FSTL4: variants seen among roughly 807,000 people sequenced by gnomAD.
The protein encoded by FSTL4 is follistatin like 4.
In FSTL4, 28 loss-of-function variants were observed where a neutral mutation model predicts 78.2. The observed-to-expected ratio is 0.36, with a 90% CI of 0.27 to 0.49. The LOEUF (loss-of-function observed/expected upper bound fraction) is 0.49, where lower values mean the gene tolerates loss of function less well. Ranked by LOEUF, FSTL4 falls within the 20% of genes least tolerant of loss-of-function variation. FSTL4 has a pLI of 0.98. For missense variants in FSTL4, 922 were observed against 1,084.9 expected (o/e 0.85, Z 2.11); for synonymous variants, 422 against 440.5 (o/e 0.96, Z 0.53).
chr5:133,617,157 G>T (rs1323658473), upstream of FSTL4, among the ~76,000 whole-genome samples: 3 of 151,994 alleles, frequency 2.0e-5, no homozygotes, highest in Admixed American at 2.0e-4. Flanking sequence ...AAATTAGCTG[G>T]GCATGGTGGC....
intron 3 of FSTL4, among the ~76,000 whole-genome samples, chr5:133,442,000 AG>A (rs1207524215): frequency 1.3e-5 from 2 of 152,236 alleles, no homozygotes; most frequent in African/African-American, 4.8e-5. Flanking sequence ...CTGGGCTGGT[AG>A]GGACAGCCCC....
the FSTL4 span, among the ~76,000 whole-genome samples, chr5:133,794,210 G>C: frequency 1.3e-5 from 2 of 152,244 alleles, no homozygotes; most frequent in African/African-American, 4.8e-5. Flanking sequence ...CCAAGAGAGA[G>C]GGCCAGGATA....
chr5:133,312,649 C>T lies in FSTL4; in HGVS notation c.727+5G>A. ...AAGCCCTTTTCCCACTGGGACCCAACTTACGGAAGGCCATGTAGAACTCGC... is the reference window on the plus strand; with the variant it reads ...AAGCCCTTTTCCCACTGGGACCCAATTTACGGAAGGCCATGTAGAACTCGC... On this transcript the variant is annotated splice_donor_5th_base_variant and intron_variant, in intron 6 of 15. Transcript: ENST00000265342. The T allele has an allele frequency of 6.2e-7, 1 of 1,613,962 alleles. No individual in the cohort carries two copies. The highest frequency in any genetic ancestry group is 8.5e-7 in the Non-Finnish European group (1 of 1,179,936).
the FSTL4 span, among the ~76,000 whole-genome samples, chr5:133,711,835 C>A: frequency 2.6e-5 from 4 of 152,164 alleles, no homozygotes; most frequent in Admixed American, 6.5e-5. Context: ...GGGTGAAGAA[C>A]CCTTGGGCTT....
At chr5:133,560,483 C>T (rs927269663) in intron 3 of FSTL4, among the ~76,000 whole-genome samples, 1 of 152,104 alleles carries the variant, frequency 6.6e-6, no homozygotes, top group Non-Finnish European at 1.5e-5. Context: ...GATTCTCCTG[C>T]CTCCTGAGTA....
chr5:133,366,589 C>A (rs1365486600), intron 4 of FSTL4, among the ~76,000 whole-genome samples: 4 of 151,964 alleles, frequency 2.6e-5, no homozygotes, highest in African/African-American at 9.7e-5. Flanking sequence ...CTTTCTTCTG[C>A]CTGCTTCCCC....
the FSTL4 span, among the ~76,000 whole-genome samples, chr5:133,667,272 G>T: frequency 6.6e-6 from 1 of 152,064 alleles, no homozygotes. Context: ...GTTACCAGTT[G>T]TTATCACTTC....
chr5:133,762,478 C>G, the FSTL4 span, among the ~76,000 whole-genome samples: 2 of 152,148 alleles, frequency 1.3e-5, no homozygotes, highest in African/African-American at 4.8e-5. Context: ...CTGAGAGGAT[C>G]CTTAGAAACT....
chr5:133,745,740 C>A, the FSTL4 span, among the ~76,000 whole-genome samples: 3 of 152,238 alleles, frequency 2.0e-5, no homozygotes, highest in African/African-American at 7.2e-5. Context: ...AAAACTGCCA[C>A]TTGTCAGCTT....
chr5:133,743,787 C>T, the FSTL4 span, among the ~76,000 whole-genome samples: 10 of 152,304 alleles, frequency 6.6e-5, no homozygotes, highest in Non-Finnish European at 1.3e-4. Flanking sequence ...GAATCTAACC[C>T]GCTTTAACAG....
At chr5:133,524,970 C>T (rs1759060268) in intron 3 of FSTL4, among the ~76,000 whole-genome samples, 1 of 152,152 alleles carries the variant, frequency 6.6e-6, no homozygotes, top group Non-Finnish European at 1.5e-5. Flanking sequence ...GATGAGGAGT[C>T]CCTGAACAGA....
chr5:133,234,835 G>A (rs1342357349), intron 7 of FSTL4, among the ~76,000 whole-genome samples: 2 of 152,162 alleles, frequency 1.3e-5, no homozygotes, highest in African/African-American at 4.8e-5. Flanking sequence ...TGGGAGATCC[G>A]GTGAGAAAAT....
At chr5:133,313,524 A>C (rs1173956695) in intron 5 of FSTL4, among the ~76,000 whole-genome samples, 1 of 152,166 alleles carries the variant, frequency 6.6e-6, no homozygotes, top group Non-Finnish European at 1.5e-5. Flanking sequence ...ACCCTCACTC[A>C]GCTGGAGCTA....
intron 1 of FSTL4, among the ~76,000 whole-genome samples, chr5:133,605,094 G>GTCT (rs1451862115): frequency 6.6e-6 from 1 of 152,174 alleles, no homozygotes. Flanking sequence ...CCAATAAGCT[G>GTCT]TACTTTTTTG....
intron 4 of FSTL4, among the ~76,000 whole-genome samples, chr5:133,379,349 T>C (rs1443562759): frequency 6.6e-6 from 1 of 151,756 alleles, no homozygotes; most frequent in Non-Finnish European, 1.5e-5. Flanking sequence ...ATAGAACAAC[T>C]AGGAAGATCA....
chr5:133,589,289 A>T (rs1461646781), intron 2 of FSTL4, among the ~76,000 whole-genome samples: 3 of 147,050 alleles, frequency 2.0e-5, no homozygotes, highest in African/African-American at 7.5e-5. Flanking sequence ...AGTATAATAA[A>T]AAAAAAAAAA....
At position 133,233,275 on chromosome 5, in the gene FSTL4, C is replaced by G. The variant is rs910478798; in HGVS notation, c.1015+142G>C. The G allele has an allele frequency of 4.2e-6, 4 of 951,192 alleles. No homozygotes were observed. The African/African-American group carries it at 6.6e-5, about 16-fold the overall frequency. The allele number at this position is 951,192 out of a possible 1,614,324, so 58.9% of individuals were successfully genotyped here. On this transcript the variant is annotated intron_variant, in intron 8 of 15. Coordinates refer to ENST00000265342, the MANE Select transcript of FSTL4 (RefSeq NM_015082.2). ...AGACTTTGCCCTTTCCACACGGTTC[C>G]CCTTTACTTATAAGAGAGATGATAT... is the stretch of plus-strand genomic sequence containing the variant.
At chr5:133,676,342 AT>A in the FSTL4 span, among the ~76,000 whole-genome samples, 17 of 152,340 alleles carry the variant, frequency 1.1e-4, no homozygotes, top group East Asian at 3.1e-3. Context: ...TTTCAGATAG[AT>A]GGAGAAAACT....
chr5:133,747,700 T>A, the FSTL4 span, among the ~76,000 whole-genome samples: 1 of 152,174 alleles, frequency 6.6e-6, no homozygotes, highest in Non-Finnish European at 1.5e-5. Flanking sequence ...TCTTTTTATT[T>A]TATTAGCACC....
Sources: allele counts gnomAD v4.1 joint callset (sites outside exome capture counted in the v4.1 genomes callset), GRCh38; gene constraint gnomAD v4.1.1; transcripts MANE v1.5; gene names NCBI Gene and HGNC (gene_info 2026-07-23, HGNC 2026-07-21).